Variants in MLLT10 observed in about 807,000 individuals in gnomAD.
MLLT10 encodes the protein MLLT10 histone lysine methyltransferase DOT1L cofactor, also known as protein AF-10.
MLLT10 carries 30 observed loss-of-function variants against 129.1 expected under a neutral mutation model. That is an observed-to-expected ratio of 0.23 (90% confidence interval 0.17 to 0.32). The LOEUF is 0.32. Among genes scored for constraint, MLLT10 ranks in the 10% least tolerant of loss-of-function variants. The pLI is 1.00. For synonymous variants in MLLT10, 490 were observed against 446.4 expected, an observed-to-expected ratio of 1.10 and a Z score of -1.23; for missense variants, 1,119 against 1,268.3, an observed-to-expected ratio of 0.88 and a Z score of 1.79.
chr10:21,653,316 AT>A (rs1310744716), intron 9 of MLLT10, among the ~76,000 whole-genome samples: 1 of 152,080 alleles, frequency 6.6e-6, no homozygotes, highest in African/African-American at 2.4e-5. Flanking sequence ...TATTGGCAAA[AT>A]TTGGTTCCTT....
rs758239303 is a variant in MLLT10 at position 21,727,897 on chromosome 10, G to A, written c.2032G>A (p.Gly678Arg). 4 of 1,613,932 alleles carry A rather than the reference G, an allele frequency of 2.5e-6. No individual in the cohort carries two copies. The highest frequency in any genetic ancestry group is 3.3e-5 in the Admixed American group (2 of 59,992). Residue 678 changes from glycine to arginine, a missense_variant, in exon 16 of 23, where the codon GGA (glycine) becomes AGA (arginine). Physicochemically the swap from Gly to Arg is moderately radical, Grantham distance 125 (BLOSUM62 -2). This residue lies in a region of MLLT10 where 1,004 missense variants were observed against 1,008.7 expected (regional missense o/e 1.00). Transcript: ENST00000307729. Reference sequence around the variant, plus strand: ...CAATAGCCGCAACCTAGTTGGCAGAGGAAGCTCACCCCGAGGAAGTCTCTC... The same window carrying A: ...CAATAGCCGCAACCTAGTTGGCAGAAGAAGCTCACCCCGAGGAAGTCTCTC... ...GDNSRNLVGR[G>R]SSPRGSLSPR...
intron 3 of MLLT10, among the ~76,000 whole-genome samples, chr10:21,561,067 G>A (rs1208658615): frequency 1.3e-5 from 2 of 152,162 alleles, no homozygotes; most frequent in Non-Finnish European, 2.9e-5. Flanking sequence ...TCTGTTGAGA[G>A]TCATGTCCTT....
intron 7 of MLLT10, among the ~76,000 whole-genome samples, chr10:21,615,273 C>A (rs983670309): frequency 2.6e-5 from 4 of 151,620 alleles, no homozygotes; most frequent in African/African-American, 9.7e-5. Context: ...GCCTGACCAG[C>A]ATGGGGAAAC....
intron 8 of MLLT10, among the ~76,000 whole-genome samples, chr10:21,622,815 T>C (rs1328046844): frequency 5.9e-5 from 9 of 152,168 alleles, no homozygotes; most frequent in African/African-American, 2.2e-4. Context: ...GCAGATCCCA[T>C]AGATACTGGG....
intron 5 of MLLT10, among the ~76,000 whole-genome samples, chr10:21,602,052 G>A (rs1289007932): frequency 6.6e-6 from 1 of 152,148 alleles, no homozygotes; most frequent in East Asian, 1.9e-4. Context: ...TACCCTACAG[G>A]TAACTGACTC....
intron 14 of MLLT10, among the ~76,000 whole-genome samples, chr10:21,718,808 G>C (rs1200517253): frequency 6.6e-6 from 1 of 152,184 alleles, no homozygotes; most frequent in African/African-American, 2.4e-5. Context: ...TGCAAACTCT[G>C]CCCCTGCCAG....
intron 13 of MLLT10, among the ~76,000 whole-genome samples, chr10:21,709,248 C>G (rs1459580984): frequency 2.5e-4 from 29 of 113,870 alleles, no homozygotes; most frequent in Non-Finnish European, 4.8e-4. Flanking sequence ...TTTTTTTTTC[C>G]TTTTTTTGAG....
intron 8 of MLLT10, among the ~76,000 whole-genome samples, chr10:21,618,933 C>G (rs1288375536): frequency 1.3e-5 from 2 of 152,000 alleles, no homozygotes; most frequent in East Asian, 3.9e-4. Flanking sequence ...CAGGGTTTCA[C>G]TATGTTGTCC....
At chr10:21,556,698 T>C (rs756724657) in intron 3 of MLLT10, 1 of 1,612,636 alleles carries the variant, frequency 6.2e-7, no homozygotes, top group Non-Finnish European at 8.5e-7. Context: ...CCTGGATACA[T>C]AGAACATCAC....
At chr10:21,643,094 G>A (rs1451325601) in intron 8 of MLLT10, among the ~76,000 whole-genome samples, 1 of 152,034 alleles carries the variant, frequency 6.6e-6, no homozygotes, top group Non-Finnish European at 1.5e-5. Context: ...GTGCAGTGGT[G>A]CAATCTCGGC....
intron 8 of MLLT10, among the ~76,000 whole-genome samples, chr10:21,641,547 T>C (rs1407549796): frequency 6.6e-6 from 1 of 152,106 alleles, no homozygotes; most frequent in Non-Finnish European, 1.5e-5. Flanking sequence ...TCACAGCTAC[T>C]CCGGAGGCTG....
At chr10:21,599,006 C>T (rs528130221) in intron 5 of MLLT10, among the ~76,000 whole-genome samples, 3 of 152,044 alleles carry the variant, frequency 2.0e-5, no homozygotes, top group East Asian at 3.9e-4. Context: ...GGCGAAACCC[C>T]GTCTCTACTA....
Position 21,554,262 on chromosome 10 carries a change from T to C in MLLT10, c.240+15350T>C, listed in dbSNP as rs112753378. On this transcript the variant is annotated intron_variant, in intron 3 of 22. Coordinates refer to ENST00000307729, the MANE Select transcript of MLLT10 (RefSeq NM_001195626.3). ...ATTTTTGTATTTTCTGTTTCAGTTCTTTAACTCTTTTTACTCTATTTTCTG... is the reference window on the plus strand; with the variant it reads ...ATTTTTGTATTTTCTGTTTCAGTTCCTTAACTCTTTTTACTCTATTTTCTG... 5.9e-5 allele frequency among the ~76,000 whole-genome samples: 9 copies of C among 152,342 alleles called. 1 individual carries two copies. Among genetic ancestry groups the C allele is most frequent in the African/African-American group, 2.2e-4 (9 of 41,582 alleles).
chr10:21,610,840 T>A (rs1300204613), intron 5 of MLLT10, among the ~76,000 whole-genome samples: 2 of 151,916 alleles, frequency 1.3e-5, no homozygotes, highest in Admixed American at 1.3e-4. Flanking sequence ...GCTAAATTCT[T>A]CCATTGTAAC....
At chr10:21,694,828 T>A (rs2054198630) in intron 13 of MLLT10, among the ~76,000 whole-genome samples, 1 of 152,198 alleles carries the variant, frequency 6.6e-6, no homozygotes, top group African/African-American at 2.4e-5. Context: ...GTTCTCTGCT[T>A]AGTGTCTTGC....
At chr10:21,571,790 T>G (rs1364092409) in intron 3 of MLLT10, among the ~76,000 whole-genome samples, 11 of 152,216 alleles carry the variant, frequency 7.2e-5, no homozygotes, top group Admixed American at 7.2e-4. Flanking sequence ...TTTGTTTTCT[T>G]TTTTCATCTA....
chr10:21,716,914 T>C (rs2056603805), intron 14 of MLLT10, among the ~76,000 whole-genome samples: 2 of 152,162 alleles, frequency 1.3e-5, no homozygotes, highest in East Asian at 1.9e-4. Flanking sequence ...TTTTGTGATA[T>C]ACATTTTAAG....
At chr10:21,739,838 C>CTGTT (rs759922263) in intron 21 of MLLT10, among the ~76,000 whole-genome samples, 192 bp from the exon 22 acceptor site, 17 of 152,106 alleles carry the variant, frequency 1.1e-4, no homozygotes, top group Non-Finnish European at 2.4e-4. Context: ...TGAAAATAAG[C>CTGTT]TGTTTGCTGA....
At chr10:21,725,966 T>G (rs972883433) in intron 14 of MLLT10, among the ~76,000 whole-genome samples, 1 of 151,970 alleles carries the variant, frequency 6.6e-6, no homozygotes, top group African/African-American at 2.4e-5. Context: ...TTACCCAGGA[T>G]GGTCTCGATC....
Sources: gnomAD v4.1 joint callset for allele counts (sites outside exome capture counted in the v4.1 genomes callset) on GRCh38, gnomAD v4.1.1 for gene constraint, gnomAD v4.1.1 regional missense constraint, MANE v1.5 for transcripts, NCBI Gene and HGNC (gene_info 2026-07-23, HGNC 2026-07-21) for gene names.